Variants in DNAH8 observed in about 807,000 individuals in gnomAD.
DNAH8 encodes the protein axonemal beta dynein heavy chain 8.
In DNAH8, 382 loss-of-function variants were observed where a neutral mutation model predicts 562.1. That is an observed-to-expected ratio of 0.68 (90% CI 0.63 to 0.74). The LOEUF is 0.74. Ranked by LOEUF, DNAH8 falls within the 30% of genes least tolerant of loss-of-function variation. DNAH8 has a pLI of 0.00. For synonymous variants in DNAH8, 1,881 were observed against 1,919.4 expected (o/e 0.98, Z 0.52); for missense variants, 5,203 against 5,620.4 (o/e 0.93, Z 2.37).
intron 58 of DNAH8, among the ~76,000 whole-genome samples, chr6:38,891,023 A>G (rs1217267775): frequency 2.0e-5 from 3 of 152,208 alleles, no homozygotes; most frequent in African/African-American, 4.8e-5. Context: ...CTGAAATGAG[A>G]ACACTGCATT....
intron 3 of DNAH8, among the ~76,000 whole-genome samples, chr6:38,727,557 C>T (rs1012289940): frequency 3.3e-5 from 5 of 152,256 alleles, no homozygotes; most frequent in Admixed American, 3.3e-4. Flanking sequence ...ACTCTTCAGT[C>T]CTTGGGGGAT....
At chr6:38,734,275 C>T (rs1299291623) in intron 4 of DNAH8, among the ~76,000 whole-genome samples, 199 bp from the exon 5 acceptor site, 1 of 99,270 alleles carries the variant, frequency 1.0e-5, no homozygotes, top group East Asian at 3.0e-4. Flanking sequence ...CAGAGCAAGA[C>T]TCTGTCTCAA....
Position 38,838,050 on chromosome 6 carries a change from T to A in DNAH8, c.4466+8T>A. 1 of 1,573,010 alleles carries A rather than the reference T, an allele frequency of 6.4e-7. No individual in the cohort carries two copies. The highest frequency in any genetic ancestry group is 8.7e-7 in the Non-Finnish European group (1 of 1,149,148). On this transcript the variant is annotated splice_region_variant and intron_variant, in intron 33 of 92. Coordinates refer to ENST00000327475, the MANE Select transcript of DNAH8 (RefSeq NM_001206927.2). ...GGTTTTACACAAAACCAGGTAAGTT[T>A]AGAAAATAAGCAAGTATTACATGCA...
intron 82 of DNAH8, among the ~76,000 whole-genome samples, chr6:38,962,185 A>T (rs1762649803): frequency 6.6e-6 from 1 of 152,086 alleles, no homozygotes; most frequent in Non-Finnish European, 1.5e-5. Context: ...CAGTATAGAG[A>T]TTCAATGTTG....
At chr6:38,956,720 A>T (rs1762268763) in intron 82 of DNAH8, among the ~76,000 whole-genome samples, 2 of 152,232 alleles carry the variant, frequency 1.3e-5, no homozygotes, top group African/African-American at 4.8e-5. Context: ...CTTGTTATAA[A>T]TATCAGATTT....
At chr6:38,816,162 C>T (rs1772253890) in intron 26 of DNAH8, among the ~76,000 whole-genome samples, 1 of 151,914 alleles carries the variant, frequency 6.6e-6, no homozygotes, top group Non-Finnish European at 1.5e-5. Flanking sequence ...TGGTTTGCTG[C>T]ACCTATCAAC....
chr6:38,955,821 T>C (rs896123559), intron 82 of DNAH8, among the ~76,000 whole-genome samples: 14 of 152,118 alleles, frequency 9.2e-5, no homozygotes, highest in Non-Finnish European at 1.9e-4. Context: ...AGGTAGAAGG[T>C]TGTGAAACCC....
intron 15 of DNAH8, 36 bp from the exon 16 acceptor site, chr6:38,781,218 T>A: frequency 6.2e-7 from 1 of 1,611,958 alleles, no homozygotes; most frequent in Non-Finnish European, 8.5e-7. Flanking sequence ...TCCCTTGTAT[T>A]GAATTCAAAC....
intron 56 of DNAH8, among the ~76,000 whole-genome samples, chr6:38,884,283 C>T (rs762533078): frequency 6.6e-5 from 10 of 152,024 alleles, no homozygotes; most frequent in Admixed American, 2.6e-4. Flanking sequence ...TGGTGTGCTG[C>T]ACCCATTAAC....
At chr6:38,989,173 A>G (rs1402856481) in intron 87 of DNAH8, among the ~76,000 whole-genome samples, 1 of 152,190 alleles carries the variant, frequency 6.6e-6, no homozygotes, top group Non-Finnish European at 1.5e-5. Context: ...AGAGGAAGGC[A>G]CCGTCCCTCT....
intron 87 of DNAH8, among the ~76,000 whole-genome samples, chr6:38,989,075 A>G (rs1764600821): frequency 6.6e-6 from 1 of 152,250 alleles, no homozygotes. Flanking sequence ...GAGAATCAGT[A>G]CACAGGGTAT....
chr6:39,011,302 G>A (rs189692293), intron 89 of DNAH8, among the ~76,000 whole-genome samples: 74 of 152,262 alleles, frequency 4.9e-4, no homozygotes, highest in African/African-American at 1.7e-3. Flanking sequence ...CTTTATGAGG[G>A]GGCAGTGGGC....
At chr6:38,879,210 G>A (rs1255842883) in intron 53 of DNAH8, among the ~76,000 whole-genome samples, 2 of 151,774 alleles carry the variant, frequency 1.3e-5, no homozygotes, top group East Asian at 1.9e-4. Flanking sequence ...GATATAAAAT[G>A]TACAATAGGA....
chr6:38,977,969 A>G (rs1321861200), intron 85 of DNAH8, among the ~76,000 whole-genome samples: 2 of 152,258 alleles, frequency 1.3e-5, no homozygotes, highest in African/African-American at 2.4e-5. Context: ...TGATCCTGAT[A>G]TGTGGCAAGA....
At chr6:38,888,128 C>T (rs888955980) in intron 57 of DNAH8, among the ~76,000 whole-genome samples, 2 of 145,124 alleles carry the variant, frequency 1.4e-5, no homozygotes, top group Admixed American at 6.8e-5. Flanking sequence ...CATGAGCCAC[C>T]GTGCCCATCC....
chr6:38,981,124 G>A (rs570313966), intron 85 of DNAH8, among the ~76,000 whole-genome samples: 2 of 151,578 alleles, frequency 1.3e-5, no homozygotes, highest in South Asian at 2.1e-4. Flanking sequence ...TAAAAGAGTA[G>A]AATTAAACAT....
At chr6:38,722,623 T>C (rs1283481436) in intron 1 of DNAH8, among the ~76,000 whole-genome samples, 153 bp from the exon 2 acceptor site, 1 of 151,836 alleles carries the variant, frequency 6.6e-6, no homozygotes, top group Non-Finnish European at 1.5e-5. Flanking sequence ...ACTAAAAATA[T>C]CACCTCTCCA....
chr6:38,834,862 C>G (rs1774147897), intron 32 of DNAH8, among the ~76,000 whole-genome samples: 2 of 152,248 alleles, frequency 1.3e-5, no homozygotes, highest in Admixed American at 1.3e-4. Flanking sequence ...AAGACTGATT[C>G]TCAACTTAAG....
At chr6:38,877,104 C>T (rs192136253) in intron 53 of DNAH8, among the ~76,000 whole-genome samples, 83 of 152,178 alleles carry the variant, frequency 5.5e-4, no homozygotes, top group Non-Finnish European at 9.7e-4. Context: ...TCTGAGCAGC[C>T]GGAGTTCTAT....
Sources: gnomAD v4.1 joint callset for allele counts (sites outside exome capture counted in the v4.1 genomes callset) on GRCh38, gnomAD v4.1.1 for gene constraint, MANE v1.5 for transcripts, NCBI Gene and HGNC (gene_info 2026-07-23, HGNC 2026-07-21) for gene names.